The following ZNF7 variants were observed in gnomAD, a reference collection of about 807,000 sequenced individuals.
ZNF7 encodes the protein C2-H2 type zinc finger protein.
Under a neutral mutation model 12.0 loss-of-function variants are expected in ZNF7, and 10 were observed. The observed-to-expected ratio is 0.83, with a 90% CI of 0.51 to 1.42. ZNF7 has a LOEUF of 1.42. Among genes scored for constraint, ZNF7 ranks in the 40% most tolerant of loss-of-function variants. The probability of loss-of-function intolerance (pLI) is 0.00; values close to 1 mark genes in which losing one functional copy is unlikely to be tolerated. For synonymous variants in ZNF7, 334 were observed against 295.0 expected, an observed-to-expected ratio of 1.13 and a Z score of -1.35; for missense variants, 854 against 837.2, an observed-to-expected ratio of 1.02 and a Z score of -0.25.
intron 2 of ZNF7, 172 bp downstream of exon 2, chr8:144,829,262 T>C (rs1432624675): frequency 2.0e-5 from 31 of 1,529,198 alleles, no homozygotes; most frequent in South Asian, 2.5e-5. Flanking sequence ...CAGGGCCTAA[T>C]TGAGGCTCTT....
At chr8:144,827,714 C>A in intron 1 of ZNF7, 105 bp downstream of exon 1, 1 of 976,636 alleles carries the variant, frequency 1.0e-6, no homozygotes, top group Non-Finnish European at 1.2e-6. Flanking sequence ...CCGCGTCCCC[C>A]GGGCCTCCAG....
chr8:144,829,390 G>A, intron 2 of ZNF7, 88 bp from the exon 3 acceptor site: 1 of 1,591,278 alleles, frequency 6.3e-7, no homozygotes. Context: ...CAACCCCATG[G>A]GGCAGCTGCC....
At chr8:144,840,700 A>G (rs1326094876) in intron 4 of ZNF7, among the ~76,000 whole-genome samples, 3 of 152,080 alleles carry the variant, frequency 2.0e-5, no homozygotes, top group African/African-American at 7.2e-5. Context: ...GCCCCAGGGA[A>G]GAAGTCAGTG....
intron 4 of ZNF7, chr8:144,838,090 C>T: frequency 1.4e-6 from 1 of 703,010 alleles, no homozygotes. Context: ...AGGATCCTGT[C>T]CTGCCTCTCC....
At chr8:144,831,579 C>G (rs1488258712) in intron 3 of ZNF7, among the ~76,000 whole-genome samples, 1 of 151,794 alleles carries the variant, frequency 6.6e-6, no homozygotes, top group East Asian at 1.9e-4. Context: ...GTCAGGAGAT[C>G]GAGACCATCC....
In ZNF7 at chr8:144,841,777, A is replaced by T; in HGVS notation, c.670A>T (p.Arg224Ter). The change falls in exon 5 of 5, where the codon AGA becomes TGA. Residue 224 changes from arginine to a stop codon, truncating the protein, a stop_gained. Coordinates refer to ENST00000532777, the MANE Select transcript of ZNF7 (RefSeq NM_003416.4). LOFTEE classifies it low-confidence loss of function (END_TRUNC). ...HWEINTQKIS[R>*]CQECQKKLSD... ...GGAAATTAATACACAGAAAATTAGC[A>T]GATGTCAAGAATGCCAAAAAAAGTT... 1 of 1,614,196 alleles carries T rather than the reference A, an allele frequency of 6.2e-7. No individual in the cohort carries two copies. Among genetic ancestry groups the T allele is most frequent in the Non-Finnish European group, 8.5e-7 (1 of 1,180,038 alleles).
chr8:144,839,436 C>G (rs538486786), intron 4 of ZNF7, among the ~76,000 whole-genome samples: 2 of 152,346 alleles, frequency 1.3e-5, no homozygotes, highest in African/African-American at 4.8e-5. Flanking sequence ...TATAAGGTGG[C>G]CCAGTTAAAA....
In ZNF7 at chr8:144,829,276, G is replaced by T. The variant is rs571267193; in HGVS notation, c.3+186G>T. 22 of 1,531,582 alleles carry T rather than the reference G, an allele frequency of 1.4e-5. No homozygotes were observed. The East Asian group carries it at 2.1e-4, about 14-fold the overall frequency. 94.9% of individuals were successfully genotyped at this position (1,531,582 alleles called of 1,614,324 possible). The stretch of plus-strand genomic sequence containing the variant: ...CCAGGGCCTAATTGAGGCTCTTGAG[G>T]GGGGAGGGTTGTATGACCACCATGG... On this transcript the variant is annotated intron_variant, in intron 2 of 4. Coordinates refer to ENST00000532777, the MANE Select transcript of ZNF7 (RefSeq NM_003416.4).
chr8:144,837,634 G>C (rs118179494), intron 4 of ZNF7, 127 bp downstream of exon 4: 11,004 of 660,338 alleles, frequency 0.017, 205 homozygotes, highest in Admixed American at 0.069. Context: ...ATGCTACTGG[G>C]GAAGCAGCAT....
intron 1 of ZNF7, 186 bp downstream of exon 1, chr8:144,827,795 C>T (rs959672988): frequency 4.6e-6 from 3 of 651,316 alleles, no homozygotes; most frequent in Non-Finnish European, 5.7e-6. Flanking sequence ...CAGCCACCCT[C>T]CCCCGCGGCG....
Position 144,843,356 on chromosome 8 carries a change from A to C in ZNF7, c.*188A>C. 1 of 632,954 alleles carries C rather than the reference A, an allele frequency of 1.6e-6. No individual in the cohort carries two copies. Among genetic ancestry groups the C allele is most frequent in the South Asian group, 2.7e-5 (1 of 36,432 alleles). The allele number at this position is 632,954 out of a possible 1,614,324, so 39.2% of individuals were successfully genotyped here. A position where few individuals can be genotyped will look rare whatever the true frequency, so the allele number is the denominator to read the frequency against. ...TGTCATCCCAGCACTTTGGGAGGCC[A>C]AGGCGGGCACATCACGAGGTCAGGA... is the stretch of plus-strand genomic sequence containing the variant. On this transcript the variant is annotated 3_prime_UTR_variant, in exon 5 of 5. Transcript: ENST00000532777.
downstream of ZNF7, among the ~76,000 whole-genome samples, chr8:144,844,658 A>G (rs1225298791): frequency 2.0e-5 from 3 of 149,806 alleles, no homozygotes; most frequent in African/African-American, 4.9e-5. Flanking sequence ...GCAGTGAGCC[A>G]AGATCACGCC....
At chr8:144,834,706 G>A (rs1371578367) in intron 3 of ZNF7, 2 of 150,268 alleles carry the variant, frequency 1.3e-5, no homozygotes, top group Non-Finnish European at 3.0e-5. Context: ...CTGTTCATAA[G>A]TGAAATGGAT....
chr8:144,839,384 T>C (rs1586823238), intron 4 of ZNF7, among the ~76,000 whole-genome samples: 1 of 152,230 alleles, frequency 6.6e-6, no homozygotes, highest in Non-Finnish European at 1.5e-5. Flanking sequence ...GCTACTCCCA[T>C]GTGATCCTTT....
intron 4 of ZNF7, chr8:144,841,048 T>G (rs1829835885): frequency 3.3e-6 from 1 of 300,566 alleles, no homozygotes; most frequent in Admixed American, 4.7e-5. Flanking sequence ...TTGCTTTGTC[T>G]CCTTTGCCTC....
chr8:144,833,093 A>C (rs1205440066), intron 3 of ZNF7, among the ~76,000 whole-genome samples: 1 of 151,410 alleles, frequency 6.6e-6, no homozygotes, highest in Non-Finnish European at 1.5e-5. Context: ...AGCTACTCAG[A>C]AGGCTGAGAC....
chr8:144,837,270 A>C, intron 3 of ZNF7, 121 bp from the exon 4 acceptor site: 1 of 729,618 alleles, frequency 1.4e-6, no homozygotes, highest in Non-Finnish European at 2.3e-6. Context: ...TCCCTGCAGG[A>C]GCTTGGCCTG....
chr8:144,832,638 G>T (rs1411821936), intron 3 of ZNF7, among the ~76,000 whole-genome samples: 3 of 152,012 alleles, frequency 2.0e-5, no homozygotes, highest in Non-Finnish European at 2.9e-5. Flanking sequence ...TGAGGCAGGA[G>T]AATTCCTTGA....
intron 4 of ZNF7, among the ~76,000 whole-genome samples, chr8:144,839,081 C>T (rs1192404449): frequency 1.2e-4 from 3 of 25,770 alleles, no homozygotes; most frequent in African/African-American, 4.8e-4. Context: ...GGGGCTGTGA[C>T]CTTACTTCCA....
Sources: gnomAD v4.1 joint callset for allele counts (sites outside exome capture counted in the v4.1 genomes callset) on GRCh38, gnomAD v4.1.1 for gene constraint, MANE v1.5 for transcripts, NCBI Gene and HGNC (gene_info 2026-07-23, HGNC 2026-07-21) for gene names.